Variants in GLRA2 observed in about 807,000 individuals in gnomAD.
GLRA2 encodes glycine receptor alpha 2, also known as glycine receptor subunit alpha-2.
GLRA2 carries 11 observed loss-of-function variants against 31.6 expected under a neutral mutation model. That is an observed-to-expected ratio of 0.35 (90% CI 0.22 to 0.58). GLRA2 has a LOEUF of 0.58. Ranked by LOEUF, GLRA2 falls within the 20% of genes least tolerant of loss-of-function variation. The pLI, the probability that GLRA2 is intolerant of heterozygous loss-of-function variation, is 0.84. For synonymous variants in GLRA2, 132 were observed against 134.0 expected, an observed-to-expected ratio of 0.99 and a Z score of 0.10; for missense variants, 212 against 351.8, an observed-to-expected ratio of 0.60 and a Z score of 3.18.
chrX:14,616,065 T>C (rs913412604), intron 7 of GLRA2, among the ~76,000 whole-genome samples: 1 of 111,676 alleles, frequency 9.0e-6, no homozygotes, highest in East Asian at 2.8e-4. Context: ...ATAAAGCCTC[T>C]AGTGGCAGAC....
chrX:14,455,119 A>G, the GLRA2 span, among the ~76,000 whole-genome samples: 3 of 111,670 alleles, frequency 2.7e-5, no homozygotes, highest in Non-Finnish European at 5.6e-5. Context: ...AGCCACTATC[A>G]TACCTCTGGT....
intron 7 of GLRA2, among the ~76,000 whole-genome samples, chrX:14,681,904 A>ATATATATAT (rs1295348729): frequency 5.3e-5 from 2 of 37,964 alleles, no homozygotes; most frequent in Non-Finnish European, 1.4e-4. Context: ...AAAAAAAAAA[A>ATATATATAT]AAAAAAATAT....
the GLRA2 span, among the ~76,000 whole-genome samples, chrX:14,475,885 T>C: frequency 8.9e-6 from 1 of 112,029 alleles, no homozygotes; most frequent in African/African-American, 3.2e-5. Flanking sequence ...AATATGCTTA[T>C]AGTACATTTA....
At chrX:14,640,606 G>C (rs185282633) in intron 7 of GLRA2, among the ~76,000 whole-genome samples, 15 of 111,229 alleles carry the variant, frequency 1.3e-4, no homozygotes, top group African/African-American at 4.6e-4. Context: ...GTTCTGACTT[G>C]TTTAACTATT....
intron 7 of GLRA2, among the ~76,000 whole-genome samples, chrX:14,636,667 T>C (rs761435389): frequency 5.6e-4 from 63 of 111,607 alleles, no homozygotes; most frequent in South Asian, 7.6e-4. Context: ...AAAAGTTAGA[T>C]AAAAACTAAG....
intron 7 of GLRA2, among the ~76,000 whole-genome samples, chrX:14,666,754 G>T (rs773832960): frequency 9.0e-5 from 10 of 111,693 alleles, no homozygotes; most frequent in Non-Finnish European, 1.7e-4. Context: ...AAACCTATTA[G>T]GTGGGCTCCA....
chrX:14,571,778 A>AAC (rs2089887542), intron 2 of GLRA2, among the ~76,000 whole-genome samples: 1 of 111,312 alleles, frequency 9.0e-6, no homozygotes, highest in African/African-American at 3.3e-5. Flanking sequence ...ACCAAAAAAA[A>AAC]GTGCCCAAAA....
At chrX:14,727,941 A>G (rs189727840) in intron 8 of GLRA2, among the ~76,000 whole-genome samples, 1 of 112,192 alleles carries the variant, frequency 8.9e-6, no homozygotes, top group East Asian at 2.8e-4. Context: ...CACAGAGGCA[A>G]CACTCAACAA....
chrX:14,597,213 GCCTT>G (rs761220832), intron 4 of GLRA2, among the ~76,000 whole-genome samples: 26 of 111,677 alleles, frequency 2.3e-4, no homozygotes, highest in Admixed American at 1.5e-3. Flanking sequence ...GTACAGGAAG[GCCTT>G]CCTTATGTTC....
the GLRA2 span, among the ~76,000 whole-genome samples, chrX:14,483,622 C>T: frequency 8.9e-6 from 1 of 111,879 alleles, no homozygotes; most frequent in Non-Finnish European, 1.9e-5. Flanking sequence ...CAATAAACTC[C>T]TTAAGAGCAG....
chrX:14,691,425 G>A (rs543830998), intron 8 of GLRA2, among the ~76,000 whole-genome samples: 1 of 110,860 alleles, frequency 9.0e-6, no homozygotes, highest in African/African-American at 3.3e-5. Context: ...ATTGCAACAT[G>A]ATAAATCCAG....
chrX:14,633,672 A>C (rs1174420426), intron 7 of GLRA2, among the ~76,000 whole-genome samples: 1 of 111,611 alleles, frequency 9.0e-6, no homozygotes. Flanking sequence ...AGTTTAATTG[A>C]CTCATAGTTC....
chrX:14,671,197 T>C (rs971200514), intron 7 of GLRA2, among the ~76,000 whole-genome samples: 2 of 111,635 alleles, frequency 1.8e-5, no homozygotes, highest in Non-Finnish European at 3.8e-5. Flanking sequence ...GCATAGGATA[T>C]TTGCTAGTAA....
At position 14,681,910 on chromosome X, in the gene GLRA2, A is replaced by AAAAATATATAT. The variant is rs758563376; in HGVS notation, c.931-8799_931-8798insAAATATATATA. On this transcript the variant is annotated intron_variant, in intron 7 of 8. Transcript: ENST00000218075. The stretch of plus-strand genomic sequence containing the variant: ...CCATCTCAAAAAAAAAAAAAAAAAA[A>AAAAATATATAT]ATATATATATATATATATATGTATA... 2.2e-3 allele frequency among the ~76,000 whole-genome samples: 89 copies of AAAAATATATAT among 41,270 alleles called. 2 individuals are homozygous for AAAAATATATAT. Among genetic ancestry groups the AAAAATATATAT allele is most frequent in the African/African-American group, 0.01 (85 of 8,227 alleles). The allele number at this position is 41,270 out of a possible 115,157, so 35.8% of individuals were successfully genotyped here.
intron 5 of GLRA2, among the ~76,000 whole-genome samples, chrX:14,606,690 A>C (rs995730327): frequency 5.4e-5 from 6 of 111,615 alleles, no homozygotes; most frequent in Non-Finnish European, 7.5e-5. Context: ...CCCGTGATTA[A>C]TTCATTCTCA....
chrX:14,711,488 G>T (rs2091709354), intron 8 of GLRA2, among the ~76,000 whole-genome samples: 1 of 112,137 alleles, frequency 8.9e-6, no homozygotes, highest in Admixed American at 9.5e-5. Context: ...ATGGGAACCT[G>T]GTAAGAGAAG....
rs745478028 is a variant in GLRA2, at chrX:14,600,905, GA to G, written c.495-3402del. ...ATATTTATTTCTTCTTTGAAAAATA[GA>G]AAAAAAATAGATTCTCATTATGGTA... On this transcript the variant is annotated intron_variant, in intron 4 of 8. Transcript: ENST00000218075. Among the ~76,000 whole-genome samples the G allele has an allele frequency of 9.7e-4, 106 of 109,351 alleles. No homozygotes were observed. In the South Asian group the frequency reaches 0.016, roughly 17 times the overall value. The allele number at this position is 109,351 out of a possible 115,157, so 95.0% of individuals were successfully genotyped here. A position where few individuals can be genotyped will look rare whatever the true frequency, so the allele number is the denominator to read the frequency against.
intron 8 of GLRA2, among the ~76,000 whole-genome samples, chrX:14,722,254 G>A (rs1316169490): frequency 9.0e-6 from 1 of 111,423 alleles, no homozygotes; most frequent in Non-Finnish European, 1.9e-5. Context: ...AGTAACTGGG[G>A]CTGGAACAGC....
At chrX:14,576,123 A>G (rs1334626520) in intron 3 of GLRA2, among the ~76,000 whole-genome samples, 1 of 110,460 alleles carries the variant, frequency 9.1e-6, no homozygotes, top group Non-Finnish European at 1.9e-5. Flanking sequence ...GGCAACTAAC[A>G]TCATGTTTAA....
Sources: gnomAD v4.1 joint callset for allele counts (sites outside exome capture counted in the v4.1 genomes callset) on GRCh38, gnomAD v4.1.1 for gene constraint, MANE v1.5 for transcripts, NCBI Gene and HGNC (gene_info 2026-07-23, HGNC 2026-07-21) for gene names.